The following GPC5 variants were observed in gnomAD, a reference collection of about 807,000 sequenced individuals.
GPC5 encodes the protein glypican 5.
GPC5 carries 47 observed loss-of-function variants against 53.9 expected under a neutral mutation model. The observed-to-expected ratio is 0.87, with a 90% confidence interval of 0.69 to 1.11. The LOEUF (loss-of-function observed/expected upper bound fraction) is 1.11, where lower values mean the gene tolerates loss of function less well. GPC5 is among the 50% of genes most tolerant of loss of function. GPC5 has a pLI of 0.00. For missense variants in GPC5, 748 were observed against 713.1 expected, an observed-to-expected ratio of 1.05 and a Z score of -0.56; for synonymous variants, 286 against 263.3, an observed-to-expected ratio of 1.09 and a Z score of -0.84.
At chr13:91,439,989 G>T (rs1362338168) in intron 1 of GPC5, among the ~76,000 whole-genome samples, 1 of 151,992 alleles carries the variant, frequency 6.6e-6, no homozygotes, top group Non-Finnish European at 1.5e-5. Flanking sequence ...TCTCCCCTTT[G>T]TTTACATCCT....
Position 92,512,031 on chromosome 13 carries a change from G to A in GPC5, c.1562-354251G>A, listed in dbSNP as rs551466648. On this transcript the variant is annotated intron_variant, in intron 7 of 7. Coordinates refer to ENST00000377067, the MANE Select transcript of GPC5 (RefSeq NM_004466.6). ...TGGGTGTCTGGGCTAGAATCAGTCAGTGGGAAAGAAGCAAAATAGCTCCTG... is the reference window on the plus strand; with the variant it reads ...TGGGTGTCTGGGCTAGAATCAGTCAATGGGAAAGAAGCAAAATAGCTCCTG... 4.6e-5 allele frequency among the ~76,000 whole-genome samples: 7 copies of A among 152,278 alleles called. No individual in the cohort carries two copies. In the South Asian group the frequency reaches 1.0e-3, roughly 23 times the overall value.
intron 7 of GPC5, among the ~76,000 whole-genome samples, chr13:92,249,016 A>C (rs963373664): frequency 3.3e-5 from 5 of 149,580 alleles, no homozygotes; most frequent in African/African-American, 9.8e-5. Context: ...TATTTAAAAA[A>C]TAATTTTATT....
At chr13:92,093,850 G>A (rs1361914590) in intron 6 of GPC5, among the ~76,000 whole-genome samples, 1 of 152,064 alleles carries the variant, frequency 6.6e-6, no homozygotes, top group African/African-American at 2.4e-5. Flanking sequence ...AACAAAAATT[G>A]GTTTGAAATT....
At chr13:92,296,297 G>A (rs2043033847) in intron 7 of GPC5, among the ~76,000 whole-genome samples, 1 of 152,090 alleles carries the variant, frequency 6.6e-6, no homozygotes, top group African/African-American at 2.4e-5. Context: ...AGTATGGGGA[G>A]GAACAACGTT....
chr13:92,535,404 G>A (rs1306104194), intron 7 of GPC5, among the ~76,000 whole-genome samples: 2 of 152,026 alleles, frequency 1.3e-5, no homozygotes, highest in Non-Finnish European at 2.9e-5. Flanking sequence ...CGCAACCCAG[G>A]AGACTGGAGC....
At chr13:92,444,458 GA>G (rs1483234463) in intron 7 of GPC5, among the ~76,000 whole-genome samples, 8 of 152,132 alleles carry the variant, frequency 5.3e-5, no homozygotes. Flanking sequence ...CAGCCTGCTG[GA>G]ATGATTGATG....
At chr13:91,977,919 C>T (rs183074333) in intron 6 of GPC5, among the ~76,000 whole-genome samples, 1 of 148,538 alleles carries the variant, frequency 6.7e-6, no homozygotes, top group African/African-American at 2.5e-5. Context: ...CAAGACCAGC[C>T]TTGGAAACAT....
intron 2 of GPC5, among the ~76,000 whole-genome samples, chr13:91,548,452 TAAATC>T (rs1171180653): frequency 2.0e-5 from 3 of 152,162 alleles, no homozygotes; most frequent in Non-Finnish European, 2.9e-5. Flanking sequence ...TCTGATGAAA[TAAATC>T]AAAGAACTAA....
intron 5 of GPC5, among the ~76,000 whole-genome samples, chr13:91,871,809 G>T (rs976437038): frequency 6.6e-6 from 1 of 151,762 alleles, no homozygotes; most frequent in Non-Finnish European, 1.5e-5. Context: ...AAAATGCATT[G>T]CCATGACGCT....
intron 7 of GPC5, among the ~76,000 whole-genome samples, chr13:92,657,899 C>T (rs1161581988): frequency 6.6e-6 from 1 of 151,968 alleles, no homozygotes; most frequent in Admixed American, 6.5e-5. Flanking sequence ...ATCTGAATTG[C>T]TTTTCTATTT....
chr13:92,579,569 C>CT (rs1056460942), intron 7 of GPC5, among the ~76,000 whole-genome samples: 1 of 151,802 alleles, frequency 6.6e-6, no homozygotes, highest in African/African-American at 2.4e-5. Flanking sequence ...CATAAGGGGA[C>CT]TATTGTGTGT....
intron 5 of GPC5, among the ~76,000 whole-genome samples, chr13:91,775,615 A>C (rs1227122477): frequency 6.6e-6 from 1 of 152,180 alleles, no homozygotes; most frequent in Admixed American, 6.5e-5. Context: ...CAGGCATTTC[A>C]GTTGGAGTTT....
intron 6 of GPC5, among the ~76,000 whole-genome samples, chr13:92,045,381 A>C (rs903444258): frequency 6.6e-6 from 1 of 152,178 alleles, no homozygotes; most frequent in Admixed American, 6.5e-5. Context: ...TCATTATATC[A>C]CTATCACATC....
chr13:92,141,187 A>C (rs992636015), intron 6 of GPC5, among the ~76,000 whole-genome samples: 2 of 152,176 alleles, frequency 1.3e-5, no homozygotes, highest in African/African-American at 4.8e-5. Context: ...TTTTATTACA[A>C]TATGAGAGTG....
intron 7 of GPC5, among the ~76,000 whole-genome samples, chr13:92,632,996 T>C (rs1885302933): frequency 6.6e-6 from 1 of 152,136 alleles, no homozygotes. Flanking sequence ...GTTCAAGCGG[T>C]TCTCCTGCCT....
At chr13:91,909,037 G>A (rs1030238884) in intron 6 of GPC5, among the ~76,000 whole-genome samples, 4 of 152,232 alleles carry the variant, frequency 2.6e-5, no homozygotes, top group Non-Finnish European at 4.4e-5. Flanking sequence ...ATATCTCAAG[G>A]AAAGGATATG....
intron 6 of GPC5, among the ~76,000 whole-genome samples, chr13:92,097,161 A>G (rs888033207): frequency 6.6e-6 from 1 of 152,216 alleles, no homozygotes; most frequent in Non-Finnish European, 1.5e-5. Context: ...TTCTTGTTAC[A>G]TAGTGGCAGA....
chr13:92,211,656 C>G lies in GPC5; in HGVS notation c.1561+66667C>G, dbSNP rs76823116. 8.7e-3 allele frequency among the ~76,000 whole-genome samples: 1,326 copies of G among 152,310 alleles called. 24 individuals carry two copies. Among genetic ancestry groups the G allele is most frequent in the African/African-American group, 0.03 (1,241 of 41,572 alleles). On this transcript the variant is annotated intron_variant, in intron 7 of 7. Transcript: ENST00000377067. ...CTGGGACTTACTGGGTGAGAAACTT[C>G]AGGAGAGAGCCCCAGCAATCTGCAT...
rs1240712030 is a variant in GPC5 at position 91,693,524 on chromosome 13, C to T, written c.663C>T (p.Pro221=). 1.2e-6 allele frequency: 2 copies of T among 1,614,048 alleles called. No individual in the cohort carries two copies. Among genetic ancestry groups the T allele is most frequent in the East Asian group, 2.2e-5 (1 of 44,832 alleles). ...VMGQMGRSLL[P]SRTFLQALNL... ...GACAGATGGGGAGGTCCCTGCTGCCCAGCCGCACTTTTCTGCAGGCACTCA... is the reference window on the plus strand; with the variant it reads ...GACAGATGGGGAGGTCCCTGCTGCCTAGCCGCACTTTTCTGCAGGCACTCA... Residue 221 remains proline (P), a synonymous_variant, in exon 3 of 8, where the codon CCC becomes CCT. Transcript: ENST00000377067.
Sources: gnomAD v4.1 joint callset for allele counts (sites outside exome capture counted in the v4.1 genomes callset) on GRCh38, gnomAD v4.1.1 for gene constraint, MANE v1.5 for transcripts, NCBI Gene and HGNC (gene_info 2026-07-23, HGNC 2026-07-21) for gene names.